The following ACIN1 variants were observed in gnomAD, a reference collection of about 807,000 sequenced individuals.
The protein encoded by ACIN1 is apoptotic chromatin condensation inducer 1, also known as apoptotic chromatin condensation inducer in the nucleus.
In ACIN1, 16 loss-of-function variants were observed where a neutral mutation model predicts 146.6. That is an observed-to-expected ratio of 0.11 (90% CI 0.07 to 0.17). The LOEUF (loss-of-function observed/expected upper bound fraction) is 0.17. ACIN1 is among the 10% of genes least tolerant of loss of function. The pLI, the probability that ACIN1 is intolerant of heterozygous loss-of-function variation, is 1.00. For missense variants in ACIN1, 1,357 were observed against 1,609.3 expected (o/e 0.84, Z 2.68); for synonymous variants, 569 against 582.7 (o/e 0.98, Z 0.34).
intron 10 of ACIN1, 23 bp from the exon 11 acceptor site, chr14:23,064,511 A>C: frequency 6.2e-7 from 1 of 1,613,010 alleles, no homozygotes; most frequent in Non-Finnish European, 8.5e-7. Context: ...AATAGACCCA[A>C]CAGTTAGATG....
At chr14:23,091,927 T>C (rs1424493953) in intron 2 of ACIN1, among the ~76,000 whole-genome samples, 1 of 152,172 alleles carries the variant, frequency 6.6e-6, no homozygotes, top group African/African-American at 2.4e-5. Context: ...CCCGGCCTCA[T>C]ATCCAGGAAA....
intron 5 of ACIN1, among the ~76,000 whole-genome samples, chr14:23,081,322 T>A (rs753087301): frequency 6.6e-6 from 1 of 152,228 alleles, no homozygotes. Flanking sequence ...TGTCTAATAA[T>A]GTGCTTTAAG....
At chr14:23,086,611 G>A (rs944138713) in intron 4 of ACIN1, among the ~76,000 whole-genome samples, 1 of 152,000 alleles carries the variant, frequency 6.6e-6, no homozygotes, top group Non-Finnish European at 1.5e-5. Flanking sequence ...TCAGCCTCCC[G>A]AGTAGCTGGG....
intron 8 of ACIN1, among the ~76,000 whole-genome samples, chr14:23,075,499 A>C (rs2047776055): frequency 6.6e-6 from 1 of 152,128 alleles, no homozygotes; most frequent in African/African-American, 2.4e-5. Context: ...ACCTTACCTC[A>C]TAAATTTAGA....
chr14:23,058,763 T>C lies in ACIN1; in HGVS notation c.*385A>G, dbSNP rs1295668733. On this transcript the variant is annotated 3_prime_UTR_variant, in exon 19 of 19. Transcript: ENST00000605057. ...CAGGAGGAGATGCTGATTCAGCTCA[T>C]AGGTGACCCAGTCCTGGCCCCGGCT... 4.0e-6 allele frequency: 1 copy of C among 250,608 alleles called. No homozygotes were observed. The highest frequency in any genetic ancestry group is 8.3e-5 in the East Asian group (1 of 12,068). 15.5% of individuals were successfully genotyped at this position (250,608 alleles called of 1,614,324 possible).
intron 8 of ACIN1, among the ~76,000 whole-genome samples, chr14:23,077,075 C>T (rs909403327): frequency 8.5e-5 from 13 of 152,118 alleles, no homozygotes; most frequent in African/African-American, 2.7e-4. Context: ...GGATTATACC[C>T]CTCAGCAAGG....
chr14:23,078,251 A>G lies in ACIN1; in HGVS notation c.2023T>C (p.Cys675Arg). 6.2e-7 allele frequency: 1 copy of G among 1,614,056 alleles called. No homozygotes were observed. The highest frequency in any genetic ancestry group is 8.5e-7 in the Non-Finnish European group (1 of 1,179,988). ...GGTGGCTCTGCCTCTTCAGCTTCAC[A>G]CTTCTTTGGGCTCCCCTGTCAGGAG... ...LQPERGSPKK[C>R]EAEEAEPPAA... The change falls in exon 8 of 19, where the codon TGT (cysteine) becomes CGT (arginine). Residue 675 changes from cysteine (C) to arginine (R), a missense_variant. By Grantham distance (180) the Cys-to-Arg change is radical. Around this residue, in one of 4 missense-constraint regions of ACIN1, gnomAD observed 771 missense variants for 746.6 expected, o/e 1.03. Coordinates refer to ENST00000605057, the MANE Select transcript of ACIN1 (RefSeq NM_001386863.1).
At chr14:23,071,068 G>A (rs376007316) in intron 8 of ACIN1, 5 of 1,506,184 alleles carry the variant, frequency 3.3e-6, no homozygotes, top group Admixed American at 2.1e-5. Context: ...AGAGAAGGAA[G>A]ACGAAGGGAG....
At chr14:23,061,813 A>G (rs1405569760) in intron 16 of ACIN1, among the ~76,000 whole-genome samples, 191 bp from the exon 17 acceptor site, 1 of 151,856 alleles carries the variant, frequency 6.6e-6, no homozygotes, top group Non-Finnish European at 1.5e-5. Context: ...CTCTACTGAA[A>G]ATACAAAAAA....
At chr14:23,081,889 G>T in intron 4 of ACIN1, 53 bp from the exon 5 acceptor site, 1 of 1,450,774 alleles carries the variant, frequency 6.9e-7, no homozygotes. Context: ...ACTCATTCAT[G>T]GCTTTTTAAA....
At chr14:23,066,829 G>A (rs1233141138) in intron 9 of ACIN1, among the ~76,000 whole-genome samples, 1 of 152,062 alleles carries the variant, frequency 6.6e-6, no homozygotes, top group Non-Finnish European at 1.5e-5. Context: ...GACATCTTTG[G>A]GACAAGTCTC....
Position 23,058,977 on chromosome 14 carries a change from G to A in ACIN1, c.*171C>T, listed in dbSNP as rs948225297. The A allele has an allele frequency of 4.7e-6, 3 of 634,036 alleles. No homozygotes were observed. The highest frequency in any genetic ancestry group is 3.7e-5 in the African/African-American group (2 of 54,462). The allele number at this position is 634,036 out of a possible 1,614,324, so 39.3% of individuals were successfully genotyped here. On this transcript the variant is annotated 3_prime_UTR_variant, in exon 19 of 19. Coordinates refer to ENST00000605057, the MANE Select transcript of ACIN1 (RefSeq NM_001386863.1). ...GCTAAGTCCCAAGAGATAGGTTAAG[G>A]GGGTGTGTTTGGGGGGAAAAGGATG...
rs199889458 is a variant in ACIN1, at chr14:23,063,042, T to C, written c.2770A>G (p.Ile924Val). ...GAAACTCCGGACTTCTGCTGGCTAATGGAACGTCGAGTTAAGGTATCTCCT... is the reference window on the plus strand; with the variant it reads ...GAAACTCCGGACTTCTGCTGGCTAACGGAACGTCGAGTTAAGGTATCTCCT... The part of the protein sequence containing the change: ...TLGDTLTRRS[I>V]SQQKSGVSIT... The change falls in exon 14 of 19, where the codon ATT (isoleucine) becomes GTT (valine). Residue 924 changes from isoleucine (I) to valine (V), a missense_variant. By Grantham distance (29) the Ile-to-Val change is conservative (BLOSUM62 3). This residue lies in a region of ACIN1 where 509 missense variants were observed against 719.6 expected (regional missense o/e 0.71). Transcript: ENST00000605057. The C allele has an allele frequency of 2.7e-4, 440 of 1,613,458 alleles. 4 individuals carry two copies. Among genetic ancestry groups the C allele is most frequent in the Non-Finnish European group, 5.4e-5 (64 of 1,179,880 alleles).
Position 23,067,644 on chromosome 14 carries a change from C to G in ACIN1, c.2266-1636G>C. ...CTGGCCCTGAAGGGACATCATCTTGCAGTCCCTGATGAGATGGCCTGTGAG... is the reference window on the plus strand; with the variant it reads ...CTGGCCCTGAAGGGACATCATCTTGGAGTCCCTGATGAGATGGCCTGTGAG... On this transcript the variant is annotated intron_variant, in intron 9 of 18. Coordinates refer to ENST00000605057, the MANE Select transcript of ACIN1 (RefSeq NM_001386863.1). The surrounding 1 kb of genome is among the most constrained non-coding windows in gnomAD (Gnocchi z 4.6). 1 of 985,892 alleles carries G rather than the reference C, an allele frequency of 1.0e-6. No individual in the cohort carries two copies. The highest frequency in any genetic ancestry group is 4.7e-5 in the South Asian group (1 of 21,282). 61.1% of individuals were successfully genotyped at this position (985,892 alleles called of 1,614,324 possible).
chr14:23,066,302 G>C (rs887103849), intron 9 of ACIN1: 1 of 268,196 alleles, frequency 3.7e-6, no homozygotes, highest in Non-Finnish European at 7.1e-6. Flanking sequence ...AAATAAGCTG[G>C]AAGAGGAGTT....
intron 2 of ACIN1, among the ~76,000 whole-genome samples, chr14:23,092,928 A>G (rs1320253804): frequency 6.6e-6 from 1 of 152,170 alleles, no homozygotes; most frequent in Non-Finnish European, 1.5e-5. Flanking sequence ...ATTACAGATA[A>G]GGAAATGGAG....
chr14:23,087,258 C>G (rs1327777972), intron 4 of ACIN1, among the ~76,000 whole-genome samples: 4 of 152,260 alleles, frequency 2.6e-5, no homozygotes, highest in Admixed American at 2.0e-4. Context: ...TGATAGAATT[C>G]CAAATGGCCA....
chr14:23,094,623 G>T, intron 1 of ACIN1: 1 of 929,386 alleles, frequency 1.1e-6, no homozygotes, highest in Non-Finnish European at 1.4e-6. Flanking sequence ...CCCCCCTCAG[G>T]CCAGCAACGC....
chr14:23,078,216 T>C lies in ACIN1; in HGVS notation c.2058A>G (p.Thr686=). ...TCTGAGTCTCTGAGGTTTGGGGCTG[T>C]GTGGCAGCTGGTGGCTCTGCCTCTT... ...EAEEAEPPAA[T]QPQTSETQTS... The change falls in exon 8 of 19, where the codon ACA becomes ACG. Residue 686 remains threonine, a synonymous_variant. Coordinates refer to ENST00000605057, the MANE Select transcript of ACIN1 (RefSeq NM_001386863.1). 2 of 1,614,232 alleles carry C rather than the reference T, an allele frequency of 1.2e-6. No homozygotes were observed. The highest frequency in any genetic ancestry group is 2.2e-5 in the South Asian group (2 of 91,082).
Sources: allele counts gnomAD v4.1 joint callset (sites outside exome capture counted in the v4.1 genomes callset), GRCh38; gene constraint gnomAD v4.1.1; regional missense constraint gnomAD v4.1.1; non-coding constraint Gnocchi (gnomAD v3.1); transcripts MANE v1.5; gene names NCBI Gene and HGNC (gene_info 2026-07-23, HGNC 2026-07-21).